CCDC186: variants seen among roughly 807,000 people sequenced by gnomAD.
CCDC186 encodes coiled-coil domain containing 186, also known as coiled-coil domain-containing protein 186.
Under a neutral mutation model 113.7 loss-of-function variants are expected in CCDC186, and 49 were observed. That is an observed-to-expected ratio of 0.43 (90% CI 0.34 to 0.55). The LOEUF (loss-of-function observed/expected upper bound fraction) is 0.55, where lower values mean the gene tolerates loss of function less well. Ranked by LOEUF, CCDC186 falls within the 20% of genes least tolerant of loss-of-function variation. The pLI, the probability that CCDC186 is intolerant of heterozygous loss-of-function variation, is 0.02. For missense variants in CCDC186, 890 were observed against 1,011.1 expected (o/e 0.88, Z 1.62); for synonymous variants, 355 against 345.8 (o/e 1.03, Z -0.30).
intron 13 of CCDC186, 54 bp downstream of exon 13, chr10:114,129,837 C>G: frequency 6.5e-7 from 1 of 1,545,326 alleles, no homozygotes; most frequent in African/African-American, 1.4e-5. Flanking sequence ...GCCAAAAATG[C>G]TATTTATTTT....
Position 114,122,363 on chromosome 10 carries a change from C to T in CCDC186, c.*2780G>A, listed in dbSNP as rs894818950. On this transcript the variant is annotated 3_prime_UTR_variant, in exon 16 of 16. Coordinates refer to ENST00000369287, the MANE Select transcript of CCDC186 (RefSeq NM_018017.4). ...TCAAAGTTCAAATTCATTCTTCTGC[C>T]CAAACCTACCATTTTCAGTCCTTAA... 2.6e-5 allele frequency: 4 copies of T among 152,070 alleles called. No homozygotes were observed. The highest frequency in any genetic ancestry group is 3.9e-4 in the East Asian group (2 of 5,176). The allele number at this position is 152,070 out of a possible 1,614,324, so 9.4% of individuals were successfully genotyped here.
intron 10 of CCDC186, 48 bp downstream of exon 10, chr10:114,134,865 A>G (rs779999153): frequency 1.9e-6 from 3 of 1,548,984 alleles, no homozygotes; most frequent in South Asian, 2.6e-5. Context: ...TTGAAATAAA[A>G]TTTAAAAGCT....
Position 114,174,087 on chromosome 10 carries a change from T to C in CCDC186, c.-134A>G, listed in dbSNP as rs1445590821. The C allele has an allele frequency of 1.1e-5, 5 of 472,024 alleles. No individual in the cohort carries two copies. Among genetic ancestry groups the C allele is most frequent in the African/African-American group, 2.0e-5 (1 of 50,072 alleles). The allele number at this position is 472,024 out of a possible 1,614,324, so 29.2% of individuals were successfully genotyped here. A position where few individuals can be genotyped will look rare whatever the true frequency, so the allele number is the denominator to read the frequency against. ...TCTGGCTCAGGGGCCAACTTTTCCA[T>C]AGCGGGGTCCAACCAGCCAAGAGTG... On this transcript the variant is annotated 5_prime_UTR_variant, in exon 1 of 16. It removes an upstream start codon present in the reference 5' UTR. Transcript: ENST00000369287.
At chr10:114,158,324 T>C (rs1044634390) in intron 2 of CCDC186, among the ~76,000 whole-genome samples, 1 of 152,158 alleles carries the variant, frequency 6.6e-6, no homozygotes, top group Non-Finnish European at 1.5e-5. Flanking sequence ...TGAATTCCCC[T>C]AGAAAAACAG....
chr10:114,161,831 A>G (rs972732417), intron 2 of CCDC186: 1 of 152,210 alleles, frequency 6.6e-6, no homozygotes, highest in Admixed American at 6.5e-5. Flanking sequence ...TGGTATATAC[A>G]TACAATGCAA....
rs575792861 is a variant in CCDC186 at position 114,169,746 on chromosome 10, T to C, written c.-62+4269A>G. Among the ~76,000 whole-genome samples the C allele has an allele frequency of 8.5e-5, 13 of 152,352 alleles. No individual in the cohort carries two copies. The East Asian group carries it at 2.5e-3, about 29-fold the overall frequency. ...AATAACATCTTTCTGACTAGTTCTA[T>C]CAAGATTGATATTGTAATTAATGTC... On this transcript the variant is annotated intron_variant, in intron 1 of 15. Coordinates refer to ENST00000369287, the MANE Select transcript of CCDC186 (RefSeq NM_018017.4).
At chr10:114,125,822 A>T in intron 15 of CCDC186, 64 bp downstream of exon 15, 1 of 1,370,658 alleles carries the variant, frequency 7.3e-7, no homozygotes, top group Non-Finnish European at 1.0e-6. Flanking sequence ...GCTAGATCAG[A>T]CTGTGAAACA....
chr10:114,149,701 AT>A (rs71007460), intron 4 of CCDC186, among the ~76,000 whole-genome samples: 122,041 of 122,112 alleles, frequency 1, 60,985 homozygotes, highest in Middle Eastern at 1. Flanking sequence ...AAAGAATGGA[AT>A]GGAAGGAAAG....
In CCDC186 at chr10:114,135,013, A is replaced by ATTCATCTTCTGTTCTTAATCG; in HGVS notation, c.1534_1554dup (p.Arg512_Glu518dup). ...TTAATAATTTCCTTATATTTTGATA[A>ATTCATCTTCTGTTCTTAATCG]TTCATCTTCTGTTCTTAATCGTTCA... On this transcript the variant is annotated inframe_insertion, in exon 10 of 16. Transcript: ENST00000369287. 6.2e-7 allele frequency: 1 copy of ATTCATCTTCTGTTCTTAATCG among 1,611,412 alleles called. No homozygotes were observed. Among genetic ancestry groups the ATTCATCTTCTGTTCTTAATCG allele is most frequent in the Non-Finnish European group, 8.5e-7 (1 of 1,179,318 alleles).
At chr10:114,137,327 G>A in intron 6 of CCDC186, 37 bp from the exon 7 acceptor site, 8 of 1,466,028 alleles carry the variant, frequency 5.5e-6, no homozygotes, top group Non-Finnish European at 7.6e-6. Context: ...GTTGGGTACA[G>A]CAACGTGATG....
chr10:114,141,726 T>C (rs1273247930), intron 6 of CCDC186, among the ~76,000 whole-genome samples: 1 of 152,024 alleles, frequency 6.6e-6, no homozygotes, highest in Non-Finnish European at 1.5e-5. Flanking sequence ...TCACTGCACA[T>C]TGTTGTATTT....
Position 114,163,070 on chromosome 10 carries a change from C to T in CCDC186, c.199G>A (p.Glu67Lys), listed in dbSNP as rs763456854. Residue 67 changes from glutamate to lysine, a missense_variant, in exon 2 of 16, where the codon GAA becomes AAA. Transcript: ENST00000369287. ...NEHNNRIEAQ[E>K]NYIPDHGGGE... ...CCACCATGATCTGGAATATAATTTT[C>T]CTGGGCTTCAATTCGATTATTATGC... The T allele has an allele frequency of 6.2e-6, 10 of 1,613,978 alleles. No homozygotes were observed. The highest frequency in any genetic ancestry group is 2.7e-5 in the African/African-American group (2 of 74,926).
intron 14 of CCDC186, 36 bp from the exon 15 acceptor site, chr10:114,126,141 G>T (rs762694491): frequency 1.5e-5 from 23 of 1,541,874 alleles, no homozygotes; most frequent in Non-Finnish European, 2.0e-5. Flanking sequence ...TTGTGTACTT[G>T]TAGAATTAAA....
chr10:114,150,855 T>C (rs2031836332), intron 4 of CCDC186, among the ~76,000 whole-genome samples: 1 of 152,132 alleles, frequency 6.6e-6, no homozygotes. Context: ...TTCACCATGT[T>C]AGCCAGGCTG....
At chr10:114,165,468 C>T (rs2032307481) in intron 1 of CCDC186, among the ~76,000 whole-genome samples, 1 of 151,614 alleles carries the variant, frequency 6.6e-6, no homozygotes, top group South Asian at 2.1e-4. Context: ...CCAAGGAGGG[C>T]AGATCACAAG....
At position 114,140,599 on chromosome 10, in the gene CCDC186, T is replaced by C. The variant is rs527397893; in HGVS notation, c.1222-3309A>G. On this transcript the variant is annotated intron_variant, in intron 6 of 15. Transcript: ENST00000369287. ...GATGTCAAATAAGCAGCTAAATATA[T>C]GAATCTGGAGTTCTGGGTAGAAGTT... Among the ~76,000 whole-genome samples the C allele has an allele frequency of 1.4e-3, 218 of 152,332 alleles. 2 individuals carry two copies. The highest frequency in any genetic ancestry group is 5.0e-3 in the African/African-American group (208 of 41,570).
intron 2 of CCDC186, 155 bp downstream of exon 2, chr10:114,162,482 A>G (rs2032200910): frequency 3.6e-6 from 2 of 558,156 alleles, no homozygotes; most frequent in Non-Finnish European, 6.0e-6. Context: ...TTGCTCACAC[A>G]TTCAGCAACT....
rs1332642189 is a variant in CCDC186 at position 114,157,658 on chromosome 10, G to A, written c.655C>T (p.His219Tyr). ...CAAATGTCTACGAAGAGCTCCTGAT[G>A]CTTCTTATTTTCTTTAATTAACCTA... Reference protein sequence around the residue: ...IKKLIKENKKHQELFVDICSE... With the variant: ...IKKLIKENKKYQELFVDICSE... Residue 219 changes from histidine to tyrosine, a missense_variant, in exon 3 of 16, where the codon CAT (histidine) becomes TAT (tyrosine). Coordinates refer to ENST00000369287, the MANE Select transcript of CCDC186 (RefSeq NM_018017.4). The A allele has an allele frequency of 7.5e-6, 12 of 1,593,440 alleles. No homozygotes were observed. Among genetic ancestry groups the A allele is most frequent in the African/African-American group, 2.7e-5 (2 of 73,554 alleles).
intron 4 of CCDC186, among the ~76,000 whole-genome samples, chr10:114,149,746 CAGGAAGGCAGGAAGGAAGGAAGGA>C (rs1564912860): frequency 0.011 from 255 of 23,484 alleles, 4 homozygotes; most frequent in Middle Eastern, 0.075. Flanking sequence ...GGAAGGAAGG[CAGGAAGGCAGGAAGGAAGGAAGGA>C]AGGAAGGCAG....
Sources: gnomAD v4.1 joint callset for allele counts (sites outside exome capture counted in the v4.1 genomes callset) on GRCh38, gnomAD v4.1.1 for gene constraint, MANE v1.5 for transcripts, NCBI Gene and HGNC (gene_info 2026-07-23, HGNC 2026-07-21) for gene names.